Variants in CADPS observed in about 807,000 individuals in gnomAD.
The protein encoded by CADPS is calcium-dependent secretion activator 1.
Under a neutral mutation model 167.3 loss-of-function variants are expected in CADPS, and 57 were observed. The observed-to-expected ratio is 0.34, with a 90% CI of 0.28 to 0.42. CADPS has a LOEUF of 0.42. Ranked by LOEUF, CADPS falls within the 20% of genes least tolerant of loss-of-function variation. CADPS has a pLI of 1.00. For missense variants in CADPS, 1,414 were observed against 1,738.1 expected (o/e 0.81, Z 3.32); for synonymous variants, 676 against 635.3 (o/e 1.06, Z -0.96).
intron 6 of CADPS, 114 bp from the exon 7 acceptor site, chr3:62,592,862 TCA>T (rs1471397557): frequency 1.6e-6 from 1 of 617,548 alleles, no homozygotes; most frequent in African/African-American, 1.8e-5. Flanking sequence ...GCATTAGCTG[TCA>T]CATCCTCTTC....
intron 26 of CADPS, among the ~76,000 whole-genome samples, chr3:62,453,990 G>A (rs115289289): frequency 1.0e-3 from 159 of 152,280 alleles, no homozygotes; most frequent in Non-Finnish European, 1.7e-3. Flanking sequence ...TTTTACAGAG[G>A]TGGGAACTGT....
chr3:62,868,431 C>A (rs966759725), intron 1 of CADPS, among the ~76,000 whole-genome samples: 7 of 152,094 alleles, frequency 4.6e-5, no homozygotes, highest in African/African-American at 1.7e-4. Context: ...TTATTTCCAT[C>A]CCTTTTTGCA....
intron 6 of CADPS, among the ~76,000 whole-genome samples, chr3:62,636,965 G>A (rs981488538): frequency 3.9e-5 from 6 of 152,154 alleles, no homozygotes; most frequent in African/African-American, 1.4e-4. Flanking sequence ...TGAAGCCTGG[G>A]TGTGTGGAGT....
At chr3:62,872,418 T>C (rs1392348941) in intron 1 of CADPS, among the ~76,000 whole-genome samples, 4 of 152,168 alleles carry the variant, frequency 2.6e-5, no homozygotes, top group Non-Finnish European at 4.4e-5. Context: ...TATATATATT[T>C]TGTTGTTGTT....
At chr3:62,716,554 T>C (rs1238509075) in intron 3 of CADPS, among the ~76,000 whole-genome samples, 1 of 152,220 alleles carries the variant, frequency 6.6e-6, no homozygotes, top group Non-Finnish European at 1.5e-5. Flanking sequence ...TTTGCCCTTT[T>C]CTGAAGGTGG....
intron 3 of CADPS, among the ~76,000 whole-genome samples, chr3:62,688,200 G>A (rs1278378020): frequency 6.6e-6 from 1 of 151,730 alleles, no homozygotes; most frequent in African/African-American, 2.4e-5. Flanking sequence ...AGCCTACTTG[G>A]CCACTACCCA....
chr3:62,746,613 C>T (rs1312934178), intron 3 of CADPS, among the ~76,000 whole-genome samples: 1 of 152,174 alleles, frequency 6.6e-6, no homozygotes, highest in Non-Finnish European at 1.5e-5. Context: ...GTTGGGATTT[C>T]AGATGTGAGC....
chr3:62,845,639 A>G (rs969848243), intron 1 of CADPS, among the ~76,000 whole-genome samples: 38 of 152,038 alleles, frequency 2.5e-4, no homozygotes, highest in African/African-American at 9.2e-4. Flanking sequence ...TTGGCATGTG[A>G]TTTGTTGATA....
chr3:62,480,058 GTT>G (rs11343208), intron 22 of CADPS, among the ~76,000 whole-genome samples: 15 of 149,182 alleles, frequency 1.0e-4, no homozygotes, highest in African/African-American at 3.7e-4. Context: ...TTCTTGTAGG[GTT>G]TTTTTTTTCT....
intron 1 of CADPS, among the ~76,000 whole-genome samples, chr3:62,815,829 T>C (rs1007769147): frequency 6.6e-6 from 1 of 152,144 alleles, no homozygotes; most frequent in African/African-American, 2.4e-5. Context: ...TAGGTCCAGG[T>C]CTTTCTCTTC....
chr3:62,419,731 C>G (rs772904453), intron 28 of CADPS, among the ~76,000 whole-genome samples: 1 of 151,952 alleles, frequency 6.6e-6, no homozygotes, highest in Non-Finnish European at 1.5e-5. Flanking sequence ...TGCATTAATT[C>G]GCAAGCAGAT....
chr3:62,851,044 CT>C (rs2078461921), intron 1 of CADPS, among the ~76,000 whole-genome samples: 1 of 126,190 alleles, frequency 7.9e-6, no homozygotes, highest in Admixed American at 8.3e-5. Flanking sequence ...TTCTTTGTCT[CT>C]TTTGATCTTT....
Position 62,514,936 on chromosome 3 carries a change from A to G in CADPS, c.2581+1123T>C, listed in dbSNP as rs1450857652. ...TTGATAAACATCCTTTTGGTGCCCAATTCTTAAGTGTTTCTCCCTGGATGC... is the reference window on the plus strand; with the variant it reads ...TTGATAAACATCCTTTTGGTGCCCAGTTCTTAAGTGTTTCTCCCTGGATGC... On this transcript the variant is annotated intron_variant, in intron 16 of 29. Transcript: ENST00000383710. This position sits in a 1 kb window ranked among gnomAD's most constrained non-coding sequence, Gnocchi z 4.2. Among the ~76,000 whole-genome samples, 1 of 152,110 alleles carries G rather than the reference A, an allele frequency of 6.6e-6. No individual in the cohort carries two copies. Among genetic ancestry groups the G allele is most frequent in the Non-Finnish European group, 1.5e-5 (1 of 68,002 alleles).
intron 9 of CADPS, among the ~76,000 whole-genome samples, chr3:62,562,261 G>A (rs1023759111): frequency 6.6e-5 from 10 of 152,116 alleles, no homozygotes; most frequent in African/African-American, 1.4e-4. Context: ...ATGTAGTTGC[G>A]AATGAAGGAT....
intron 3 of CADPS, among the ~76,000 whole-genome samples, chr3:62,683,538 A>G (rs544303461): frequency 6.6e-6 from 1 of 152,196 alleles, no homozygotes; most frequent in South Asian, 2.1e-4. Context: ...ACACCCAGCA[A>G]CCCTTCTTGT....
intron 1 of CADPS, among the ~76,000 whole-genome samples, chr3:62,813,605 A>C (rs2094482679): frequency 1.3e-5 from 2 of 152,112 alleles, no homozygotes; most frequent in South Asian, 4.1e-4. Context: ...AGAAAAAAAA[A>C]TTGGTAATGG....
In CADPS at chr3:62,465,513, C is replaced by A; in HGVS notation, c.3553-63G>T. ...AACTATAATTGTTCACCATAAAGCA[C>A]ATCATTTCCCCACCACATAAAGGCT... On this transcript the variant is annotated intron_variant, in intron 25 of 29. Coordinates refer to ENST00000383710, the MANE Select transcript of CADPS (RefSeq NM_003716.4). This position sits in a 1 kb window ranked among gnomAD's most constrained non-coding sequence, Gnocchi z 4.1. The A allele has an allele frequency of 8.9e-7, 1 of 1,119,880 alleles. No homozygotes were observed. Among genetic ancestry groups the A allele is most frequent in the Non-Finnish European group, 1.3e-6 (1 of 766,156 alleles). The allele number at this position is 1,119,880 out of a possible 1,614,324, so 69.4% of individuals were successfully genotyped here. A position where few individuals can be genotyped will look rare whatever the true frequency, so the allele number is the denominator to read the frequency against.
At position 62,875,120 on chromosome 3, in the gene CADPS, G is replaced by A. The variant is rs2083434781; in HGVS notation, c.-91C>T. The stretch of plus-strand genomic sequence containing the variant: ...GAGGCAGCCGGGGATCAGCTCTCCC[G>A]GGTGGGCGCTTCTCCCCAGGTCAGG... On this transcript the variant is annotated 5_prime_UTR_variant, in exon 1 of 30. Coordinates refer to ENST00000383710, the MANE Select transcript of CADPS (RefSeq NM_003716.4). The A allele has an allele frequency of 1.5e-6, 2 of 1,353,292 alleles. No individual in the cohort carries two copies. The highest frequency in any genetic ancestry group is 9.6e-7 in the Non-Finnish European group (1 of 1,039,980). The allele number at this position is 1,353,292 out of a possible 1,614,324, so 83.8% of individuals were successfully genotyped here.
intron 2 of CADPS, among the ~76,000 whole-genome samples, chr3:62,757,851 A>G (rs2084366652): frequency 6.6e-6 from 1 of 152,230 alleles, no homozygotes; most frequent in South Asian, 2.1e-4. Context: ...CTTATGTGGC[A>G]TGGCAGCAGG....
Sources: gnomAD v4.1 joint callset for allele counts (sites outside exome capture counted in the v4.1 genomes callset) on GRCh38, gnomAD v4.1.1 for gene constraint, Gnocchi (gnomAD v3.1) non-coding constraint, MANE v1.5 for transcripts, NCBI Gene and HGNC (gene_info 2026-07-23, HGNC 2026-07-21) for gene names.